LAMA2: variants seen among roughly 807,000 people sequenced by gnomAD.
LAMA2 encodes the protein laminin subunit alpha 2.
In LAMA2, 269 loss-of-function variants were observed where a neutral mutation model predicts 364.8. That is an observed-to-expected ratio of 0.74 (90% CI 0.67 to 0.82). LAMA2 has a LOEUF of 0.82. Among genes scored for constraint, LAMA2 ranks in the 40% least tolerant of loss-of-function variants. LAMA2 has a pLI of 0.00. For synonymous variants in LAMA2, 1,379 were observed against 1,370.6 expected (o/e 1.01, Z -0.14); for missense variants, 3,807 against 3,873.2 (o/e 0.98, Z 0.45).
chr6:128,899,725 G>A (rs1776971092), intron 1 of LAMA2, among the ~76,000 whole-genome samples: 2 of 151,688 alleles, frequency 1.3e-5, no homozygotes, highest in Admixed American at 6.6e-5. Context: ...CTAGATAATA[G>A]ATAAAATATT....
At chr6:129,087,814 G>A (rs1774472012) in intron 3 of LAMA2, among the ~76,000 whole-genome samples, 1 of 151,502 alleles carries the variant, frequency 6.6e-6, no homozygotes, top group Admixed American at 6.6e-5. Context: ...TCTTAAGAAA[G>A]TCCCTAGAGA....
In LAMA2 at chr6:129,427,894, G is replaced by A. The variant is rs375780563; in HGVS notation, c.5968+40G>A. 52 of 1,211,260 alleles carry A rather than the reference G, an allele frequency of 4.3e-5. 1 individual carries two copies. Among genetic ancestry groups the A allele is most frequent in the South Asian group, 3.5e-4 (29 of 82,838 alleles). The allele number at this position is 1,211,260 out of a possible 1,614,324, so 75.0% of individuals were successfully genotyped here. On this transcript the variant is annotated intron_variant, in intron 41 of 64. Coordinates refer to ENST00000421865, the MANE Select transcript of LAMA2 (RefSeq NM_000426.4). ...AGTTTTTATTATATTCCAGTTAATCGGGTTGTTACTGATAAGATATTCTAT... is the reference window on the plus strand; with the variant it reads ...AGTTTTTATTATATTCCAGTTAATCAGGTTGTTACTGATAAGATATTCTAT...
intron 41 of LAMA2, among the ~76,000 whole-genome samples, chr6:129,433,861 C>T (rs1781715463): frequency 6.6e-6 from 1 of 152,108 alleles, no homozygotes; most frequent in Admixed American, 6.6e-5. Flanking sequence ...AGTGTGTTAC[C>T]TTTTACTTAC....
chr6:129,506,918 G>A (rs1786129511), intron 61 of LAMA2, among the ~76,000 whole-genome samples: 3 of 151,994 alleles, frequency 2.0e-5, no homozygotes, highest in African/African-American at 7.2e-5. Flanking sequence ...AAAATATAAT[G>A]GACCAGAGTG....
chr6:129,492,257 A>G (rs1450052137), intron 57 of LAMA2, 58 bp from the exon 58 acceptor site: 16 of 1,562,188 alleles, frequency 1.0e-5, no homozygotes, highest in Non-Finnish European at 7.1e-6. Flanking sequence ...GATTGGGCTT[A>G]ATTGTAAGGA....
chr6:129,225,708 A>G (rs1425740018), intron 12 of LAMA2, among the ~76,000 whole-genome samples: 4 of 152,166 alleles, frequency 2.6e-5, no homozygotes, highest in African/African-American at 4.8e-5. Context: ...ACAGTTTGTT[A>G]TAATTTCTGA....
intron 40 of LAMA2, among the ~76,000 whole-genome samples, chr6:129,404,611 T>C (rs1780152081): frequency 6.6e-6 from 1 of 152,148 alleles, no homozygotes. Flanking sequence ...ATGAGTTGTG[T>C]GATAGTAAGT....
At chr6:129,404,655 A>G (rs1780154344) in intron 40 of LAMA2, among the ~76,000 whole-genome samples, 1 of 152,148 alleles carries the variant, frequency 6.6e-6, no homozygotes, top group South Asian at 2.1e-4. Flanking sequence ...AAAATCTCAT[A>G]GGAATCATCC....
intron 52 of LAMA2, 66 bp downstream of exon 52, chr6:129,473,418 G>A: frequency 6.8e-7 from 1 of 1,463,994 alleles, no homozygotes; most frequent in Non-Finnish European, 9.5e-7. Flanking sequence ...GCTCACTAGA[G>A]TTCTGAAGTT....
At chr6:129,101,408 T>C (rs1376947992) in intron 4 of LAMA2, among the ~76,000 whole-genome samples, 1 of 152,236 alleles carries the variant, frequency 6.6e-6, no homozygotes, top group East Asian at 1.9e-4. Context: ...TTATTTTCTT[T>C]TGGCACATTT....
intron 1 of LAMA2, among the ~76,000 whole-genome samples, chr6:128,938,407 T>C (rs4510700): frequency 0.027 from 4,075 of 152,254 alleles, 158 homozygotes; most frequent in African/African-American, 0.084. Flanking sequence ...TTTTATATGA[T>C]CTCACCACAA....
intron 51 of LAMA2, among the ~76,000 whole-genome samples, chr6:129,469,071 A>G (rs1435446340): frequency 1.3e-5 from 2 of 151,932 alleles, no homozygotes; most frequent in African/African-American, 2.4e-5. Context: ...AGTTTGAATT[A>G]TTGGAGTTTA....
intron 8 of LAMA2, 91 bp downstream of exon 8, chr6:129,154,774 T>G: frequency 9.5e-7 from 1 of 1,054,414 alleles, no homozygotes; most frequent in Non-Finnish European, 1.4e-6. Flanking sequence ...TTTGAAAGCT[T>G]CTGTAAACAG....
At chr6:129,319,904 A>G (rs1291473799) in intron 27 of LAMA2, among the ~76,000 whole-genome samples, 1 of 152,138 alleles carries the variant, frequency 6.6e-6, no homozygotes, top group African/African-American at 2.4e-5. Context: ...AGGCCAAAGC[A>G]GGCAGATCAC....
At chr6:129,114,191 G>A (rs1331697370) in intron 4 of LAMA2, among the ~76,000 whole-genome samples, 3 of 151,948 alleles carry the variant, frequency 2.0e-5, no homozygotes, top group Non-Finnish European at 2.9e-5. Context: ...ACAGCATAAG[G>A]TAAATACAAA....
At chr6:129,219,964 TATA>T (rs961752737) in intron 12 of LAMA2, among the ~76,000 whole-genome samples, 3 of 151,608 alleles carry the variant, frequency 2.0e-5, no homozygotes, top group African/African-American at 4.8e-5. Context: ...AAACTTAAAG[TATA>T]ATAATAATAA....
chr6:129,172,188 C>T (rs1326323322), intron 9 of LAMA2, among the ~76,000 whole-genome samples: 2 of 152,170 alleles, frequency 1.3e-5, no homozygotes, highest in Non-Finnish European at 2.9e-5. Flanking sequence ...CAAAGTCGTT[C>T]TCCATCCAGC....
chr6:128,914,024 A>C (rs1338149159), intron 1 of LAMA2, among the ~76,000 whole-genome samples: 1 of 152,182 alleles, frequency 6.6e-6, no homozygotes, highest in Non-Finnish European at 1.5e-5. Context: ...TGGAGATATA[A>C]AAAATTAATA....
At chr6:128,961,369 T>TATATATATATATA (rs1562873217) in intron 1 of LAMA2, among the ~76,000 whole-genome samples, 2 of 69,112 alleles carry the variant, frequency 2.9e-5, no homozygotes, top group African/African-American at 1.0e-4. Flanking sequence ...ATATATATAT[T>TATATATATATATA]AGTTTATTAA....
Sources: allele counts gnomAD v4.1 joint callset (sites outside exome capture counted in the v4.1 genomes callset), GRCh38; gene constraint gnomAD v4.1.1; transcripts MANE v1.5; gene names NCBI Gene and HGNC (gene_info 2026-07-23, HGNC 2026-07-21).